Variants in GRM1 observed in about 807,000 individuals in gnomAD.
GRM1 encodes glutamate metabotropic receptor 1.
In GRM1, 33 loss-of-function variants were observed where a neutral mutation model predicts 90.9. The ratio of observed to expected loss-of-function variants is 0.36; its 90% CI spans 0.28 to 0.49. The LOEUF (loss-of-function observed/expected upper bound fraction) is 0.49. GRM1 is among the 20% of genes least tolerant of loss of function. The pLI, the probability that GRM1 is intolerant of heterozygous loss-of-function variation, is 0.99. For synonymous variants in GRM1, 700 were observed against 613.2 expected (o/e 1.14, Z -2.09); for missense variants, 1,190 against 1,534.3 (o/e 0.78, Z 3.75).
chr6:146,187,756 A>ATATATATATATATAT (rs1289796551), intron 2 of GRM1, among the ~76,000 whole-genome samples: 1 of 145,542 alleles, frequency 6.9e-6, no homozygotes, highest in African/African-American at 2.7e-5. Flanking sequence ...TATATATATA[A>ATATATATATATATAT]AATTAGCTAT....
Position 146,434,150 on chromosome 6 carries a change from G to A in GRM1, c.2939G>A (p.Arg980Lys). ...GGTAGCCCTTCCATGGTGGTGCACA[G>A]GCGCGTGCCAAGCGCGGCGACCACT... is the stretch of plus-strand genomic sequence containing the variant. The part of the protein sequence containing the change: ...PPGSPSMVVH[R>K]RVPSAATTPP... Residue 980 changes from arginine (R) to lysine (K), a missense_variant, in exon 8 of 8, where the codon AGG becomes AAG. Physicochemically the swap from Arg to Lys is conservative, Grantham distance 26 (BLOSUM62 2). Around this residue, in one of 10 missense-constraint regions of GRM1, gnomAD observed 400 missense variants for 360.8 expected, o/e 1.11. Transcript: ENST00000282753. The A allele has an allele frequency of 1.2e-6, 2 of 1,613,954 alleles. No individual in the cohort carries two copies. Among genetic ancestry groups the A allele is most frequent in the East Asian group, 2.2e-5 (1 of 44,836 alleles).
intron 7 of GRM1, among the ~76,000 whole-genome samples, chr6:146,417,512 C>T (rs1203403865): frequency 1.3e-5 from 2 of 152,094 alleles, no homozygotes; most frequent in African/African-American, 4.8e-5. Context: ...ACTTGTAATA[C>T]TATGAGAGAA....
intron 3 of GRM1, among the ~76,000 whole-genome samples, chr6:146,311,933 T>C (rs920190755): frequency 6.6e-6 from 1 of 152,118 alleles, no homozygotes; most frequent in Non-Finnish European, 1.5e-5. Flanking sequence ...CTCATTTTCA[T>C]TACATATGAT....
In GRM1 at chr6:146,434,636, C is replaced by G. The variant is rs917848032; in HGVS notation, c.3425C>G (p.Ser1142Trp). Residue 1142 changes from serine to tryptophan, a missense_variant, in exon 8 of 8, where the codon TCG (serine) becomes TGG (tryptophan). Coordinates refer to ENST00000282753, the MANE Select transcript of GRM1 (RefSeq NM_001278064.2). ...GCCAGCAAACTGACCCCGGATGATT[C>G]GCCTGCGCTGACGCCTCCGTCGCCT... ...QAASKLTPDDSPALTPPSPFR... is the reference protein window; with the variant it reads ...QAASKLTPDDWPALTPPSPFR... 1 of 1,611,482 alleles carries G rather than the reference C, an allele frequency of 6.2e-7. No individual in the cohort carries two copies. The highest frequency in any genetic ancestry group is 8.5e-7 in the Non-Finnish European group (1 of 1,180,012).
At chr6:146,276,150 C>A (rs1303207276) in intron 2 of GRM1, among the ~76,000 whole-genome samples, 1 of 152,122 alleles carries the variant, frequency 6.6e-6, no homozygotes, top group African/African-American at 2.4e-5. Context: ...TGGCCTAGAG[C>A]TATCTTAAAA....
intron 1 of GRM1, among the ~76,000 whole-genome samples, chr6:146,058,744 T>G (rs1466624653): frequency 1.3e-5 from 2 of 152,102 alleles, no homozygotes; most frequent in Non-Finnish European, 2.9e-5. Context: ...GCTGCTGCCT[T>G]GTCAACTAAG....
intron 1 of GRM1, among the ~76,000 whole-genome samples, chr6:146,042,913 C>G (rs570794916): frequency 1.3e-5 from 2 of 151,954 alleles, no homozygotes; most frequent in Non-Finnish European, 2.9e-5. Flanking sequence ...AAGAATTATC[C>G]TTTATCCAGA....
chr6:146,125,095 G>A (rs1776148207), intron 1 of GRM1, among the ~76,000 whole-genome samples: 1 of 152,046 alleles, frequency 6.6e-6, no homozygotes, highest in Non-Finnish European at 1.5e-5. Flanking sequence ...ACCCAGGCTA[G>A]TTTTTATATT....
At position 146,352,359 on chromosome 6, in the gene GRM1, C is replaced by A. The variant is rs766466973; in HGVS notation, c.1296C>A (p.Cys432Ter). Residue 432 changes from cysteine to a stop codon, truncating the protein, a stop_gained, in exon 4 of 8, where the codon TGC (cysteine) becomes TGA (stop). Transcript: ENST00000282753. LOFTEE classifies it high-confidence loss of function. ...HGLQNMHHAL[C>*]PGHVGLCDAM... ...TGCAGAACATGCACCATGCCCTCTG[C>A]CCTGGCCACGTGGGCCTCTGCGATG... The A allele has an allele frequency of 3.1e-6, 5 of 1,614,054 alleles. No homozygotes were observed.
intron 2 of GRM1, among the ~76,000 whole-genome samples, chr6:146,175,921 T>C (rs1407499602): frequency 6.6e-6 from 1 of 152,144 alleles, no homozygotes; most frequent in Non-Finnish European, 1.5e-5. Flanking sequence ...TAATAGGCCA[T>C]TGTGGTTTTG....
intron 1 of GRM1, among the ~76,000 whole-genome samples, chr6:146,137,589 G>A (rs118136619): frequency 0.012 from 1,876 of 152,208 alleles, 81 homozygotes; most frequent in East Asian, 0.095. Flanking sequence ...TTTGAAGTCA[G>A]GTAATGTGAT....
chr6:146,270,893 CTTTCTTTCTTTCTTTCTTT>C (rs1562571176), intron 2 of GRM1, among the ~76,000 whole-genome samples: 2 of 111,082 alleles, frequency 1.8e-5, no homozygotes, highest in African/African-American at 8.8e-5. Context: ...TTCTTTCTTT[CTTTCTTTCTTTCTTTCTTT>C]CTTCCTTCCT....
intron 1 of GRM1, among the ~76,000 whole-genome samples, chr6:146,113,888 G>A (rs907348902): frequency 1.3e-5 from 2 of 152,134 alleles, no homozygotes; most frequent in South Asian, 2.1e-4. Flanking sequence ...TTGGGCCACC[G>A]GTCCTCAATC....
intron 1 of GRM1, among the ~76,000 whole-genome samples, chr6:146,104,742 G>T (rs1304798364): frequency 2.0e-5 from 3 of 152,176 alleles, no homozygotes; most frequent in Non-Finnish European, 2.9e-5. Flanking sequence ...CACAAGTGGG[G>T]ATACATTCAT....
chr6:146,303,013 G>A (rs1394051762), intron 2 of GRM1, among the ~76,000 whole-genome samples: 1 of 152,156 alleles, frequency 6.6e-6, no homozygotes, highest in African/African-American at 2.4e-5. Flanking sequence ...TGGCTGGCTA[G>A]ACTCTACTGT....
intron 1 of GRM1, among the ~76,000 whole-genome samples, chr6:146,076,486 T>A (rs1036565473): frequency 6.6e-6 from 1 of 152,140 alleles, no homozygotes; most frequent in Non-Finnish European, 1.5e-5. Context: ...GGATGGATTC[T>A]GGGTAGATTT....
At chr6:146,058,591 T>G (rs1775560878) in intron 1 of GRM1, among the ~76,000 whole-genome samples, 1 of 152,160 alleles carries the variant, frequency 6.6e-6, no homozygotes, top group South Asian at 2.1e-4. Context: ...TGGCAATTTC[T>G]TAATATAAGA....
At position 146,399,004 on chromosome 6, in the gene GRM1, C is replaced by T. The variant is rs747018218; in HGVS notation, c.1965C>T (p.Thr655=). The part of the protein sequence containing the change: ...PFTLIAKPTT[T]SCYLQRLLVG... ...CTCTCATTGCCAAACCTACTACCAC[C>T]TCCTGCTACCTCCAGCGCCTCTTGG... The change falls in exon 7 of 8, where the codon ACC becomes ACT. Residue 655 remains threonine, a synonymous_variant. Coordinates refer to ENST00000282753, the MANE Select transcript of GRM1 (RefSeq NM_001278064.2). The surrounding 1 kb of genome is among the most constrained non-coding windows in gnomAD (Gnocchi z 5.4). 40 of 1,614,038 alleles carry T rather than the reference C, an allele frequency of 2.5e-5. No individual in the cohort carries two copies. The South Asian group carries it at 4.4e-4, about 18-fold the overall frequency.
intron 2 of GRM1, among the ~76,000 whole-genome samples, chr6:146,189,578 T>C (rs544700813): frequency 1.3e-5 from 2 of 152,330 alleles, no homozygotes; most frequent in East Asian, 3.9e-4. Flanking sequence ...GTTAGAGGTC[T>C]TTATATATCC....
Sources: gnomAD v4.1 joint callset for allele counts (sites outside exome capture counted in the v4.1 genomes callset) on GRCh38, gnomAD v4.1.1 for gene constraint, gnomAD v4.1.1 regional missense constraint, Gnocchi (gnomAD v3.1) non-coding constraint, MANE v1.5 for transcripts, NCBI Gene and HGNC (gene_info 2026-07-23, HGNC 2026-07-21) for gene names.